Variants in BICD1 observed in about 807,000 individuals in gnomAD.
The protein encoded by BICD1 is BICD cargo adaptor 1, also known as protein bicaudal D homolog 1.
In BICD1, 35 loss-of-function variants were observed where a neutral mutation model predicts 92.5. The ratio of observed to expected loss-of-function variants is 0.38; its 90% confidence interval spans 0.29 to 0.50. The LOEUF (loss-of-function observed/expected upper bound fraction) is 0.50. BICD1 is among the 20% of genes least tolerant of loss of function. BICD1 has a pLI of 0.93. For missense variants in BICD1, 950 were observed against 1,189.8 expected (o/e 0.80, Z 2.97); for synonymous variants, 429 against 465.1 (o/e 0.92, Z 1.00).
chr12:32,269,964 A>G (rs1021255094), intron 2 of BICD1, among the ~76,000 whole-genome samples: 1 of 151,734 alleles, frequency 6.6e-6, no homozygotes, highest in African/African-American at 2.4e-5. Context: ...TCTACTAACA[A>G]TAAAAAAATT....
At chr12:32,325,418 G>A (rs1309756853) in intron 4 of BICD1, among the ~76,000 whole-genome samples, 1 of 152,126 alleles carries the variant, frequency 6.6e-6, no homozygotes, top group African/African-American at 2.4e-5. Context: ...AAGATTGTGC[G>A]TTATGCATTG....
At position 32,224,079 on chromosome 12, in the gene BICD1, T is replaced by G. The variant is rs190765787; in HGVS notation, c.426+7620T>G. Among the ~76,000 whole-genome samples the G allele has an allele frequency of 2.6e-5, 4 of 152,356 alleles. No homozygotes were observed. The East Asian group carries it at 7.7e-4, about 29-fold the overall frequency. On this transcript the variant is annotated intron_variant, in intron 2 of 9. Coordinates refer to ENST00000652176, the MANE Select transcript of BICD1 (RefSeq NM_001714.4). ...TATCCAGTAAAAACCAAAGTGTTTCTTACAGTCTCTGATGTTTCCTTCTGA... is the reference window on the plus strand; with the variant it reads ...TATCCAGTAAAAACCAAAGTGTTTCGTACAGTCTCTGATGTTTCCTTCTGA...
chr12:32,326,371 A>C (rs1210617087), intron 4 of BICD1, among the ~76,000 whole-genome samples: 1 of 152,080 alleles, frequency 6.6e-6, no homozygotes, highest in Non-Finnish European at 1.5e-5. Context: ...ATGGTTTAAA[A>C]TTTTTCCACA....
At chr12:32,143,990 C>T (rs1439729595) in intron 1 of BICD1, among the ~76,000 whole-genome samples, 2 of 152,118 alleles carry the variant, frequency 1.3e-5, no homozygotes, top group African/African-American at 4.8e-5. Flanking sequence ...TCAAAATGAT[C>T]TATAGGAGTT....
chr12:32,140,725 G>T (rs1143901), intron 1 of BICD1, among the ~76,000 whole-genome samples: 44,615 of 151,892 alleles, frequency 0.29, 6,948 homozygotes, highest in African/African-American at 0.4. Flanking sequence ...AAATGTTGGG[G>T]TTTAGTTTCT....
intron 5 of BICD1, among the ~76,000 whole-genome samples, chr12:32,333,993 CAT>C (rs1937991421): frequency 6.6e-6 from 1 of 152,088 alleles, no homozygotes; most frequent in Non-Finnish European, 1.5e-5. Flanking sequence ...TGTATGATAA[CAT>C]GGATTTATAG....
chr12:32,325,465 C>T (rs1948753350), intron 4 of BICD1, among the ~76,000 whole-genome samples: 1 of 152,064 alleles, frequency 6.6e-6, no homozygotes, highest in Non-Finnish European at 1.5e-5. Flanking sequence ...AAATTTGGAC[C>T]ATGGTTTGAG....
intron 2 of BICD1, among the ~76,000 whole-genome samples, chr12:32,281,371 A>G (rs1395459764): frequency 6.6e-6 from 1 of 152,104 alleles, no homozygotes; most frequent in East Asian, 1.9e-4. Flanking sequence ...TCTCCTAAAG[A>G]TTTGTGATGC....
intron 2 of BICD1, among the ~76,000 whole-genome samples, chr12:32,226,069 G>A (rs545633336): frequency 6.6e-6 from 1 of 152,278 alleles, no homozygotes; most frequent in South Asian, 2.1e-4. Flanking sequence ...TTGGCATAGT[G>A]TCTTTTCAAG....
chr12:32,189,980 T>C lies in BICD1; in HGVS notation c.214-26267T>C, dbSNP rs550930081. On this transcript the variant is annotated intron_variant, in intron 1 of 9. Transcript: ENST00000652176. ...TCCCAAAGTGCTGGGATTACAGGCG[T>C]GAGCCACCGCACCTGGCAAGTGTAG... Among the ~76,000 whole-genome samples the C allele has an allele frequency of 2.6e-3, 390 of 152,284 alleles. 5 individuals are homozygous for C. Among genetic ancestry groups the C allele is most frequent in the Admixed American group, 4.8e-3 (73 of 15,300 alleles).
At chr12:32,243,108 T>C (rs1316331350) in intron 2 of BICD1, among the ~76,000 whole-genome samples, 1 of 151,698 alleles carries the variant, frequency 6.6e-6, no homozygotes, top group Non-Finnish European at 1.5e-5. Context: ...GGATTTTCTT[T>C]TTTTTTTTGA....
rs140303025 is a variant in BICD1 at position 32,327,645 on chromosome 12, G to A, written c.1190G>A (p.Arg397Gln). 7.6e-5 allele frequency: 123 copies of A among 1,613,912 alleles called. No individual in the cohort carries two copies. Among genetic ancestry groups the A allele is most frequent in the African/African-American group, 5.3e-5 (4 of 74,910 alleles). The change falls in exon 5 of 10, where the codon CGG becomes CAG. Residue 397 changes from arginine (R) to glutamine (Q), a missense_variant. This residue lies in a region of BICD1 where 246 missense variants were observed against 258.4 expected (regional missense o/e 0.95). Transcript: ENST00000652176. Reference protein sequence around the residue: ...LKAELDGEKGRDSGEEAHDYE... With the variant: ...LKAELDGEKGQDSGEEAHDYE... ...GCTGAGCTGGACGGGGAGAAGGGCC[G>A]GGACTCAGGGGAGGAGGCCCATGAC...
In BICD1 at chr12:32,378,032, G is replaced by T. The variant is rs1940049381; in HGVS notation, c.*405G>T. On this transcript the variant is annotated 3_prime_UTR_variant, in exon 10 of 10. Transcript: ENST00000652176. ...TAGGGAAGTTGATTCCAATATGTTTGTCATTGATATTTATTTTGTACTTTA... is the reference window on the plus strand; with the variant it reads ...TAGGGAAGTTGATTCCAATATGTTTTTCATTGATATTTATTTTGTACTTTA... 1 of 156,136 alleles carries T rather than the reference G, an allele frequency of 6.4e-6. No homozygotes were observed. The highest frequency in any genetic ancestry group is 1.4e-5 in the Non-Finnish European group (1 of 70,484). The allele number at this position is 156,136 out of a possible 1,614,324, so 9.7% of individuals were successfully genotyped here.
At chr12:32,291,630 G>T (rs942939520) in intron 2 of BICD1, among the ~76,000 whole-genome samples, 1 of 151,956 alleles carries the variant, frequency 6.6e-6, no homozygotes, top group Non-Finnish European at 1.5e-5. Flanking sequence ...TTGCCTTCAC[G>T]AGTTTGAGAC....
At chr12:32,139,593 T>C (rs1214117172) in intron 1 of BICD1, among the ~76,000 whole-genome samples, 1 of 152,228 alleles carries the variant, frequency 6.6e-6, no homozygotes, top group African/African-American at 2.4e-5. Context: ...AGACGGAGTC[T>C]CGCTCTGTCG....
intron 2 of BICD1, among the ~76,000 whole-genome samples, chr12:32,258,263 A>G (rs1378106285): frequency 6.6e-6 from 1 of 151,924 alleles, no homozygotes; most frequent in African/African-American, 2.4e-5. Context: ...ATTTTAGTTC[A>G]TTTTGATGCA....
intron 1 of BICD1, among the ~76,000 whole-genome samples, chr12:32,111,457 T>TC (rs1941688458): frequency 6.6e-6 from 1 of 152,234 alleles, no homozygotes; most frequent in Non-Finnish European, 1.5e-5. Context: ...GTTTCTTTTA[T>TC]ATCTTTAAGT....
chr12:32,314,149 C>T (rs1948443640), intron 4 of BICD1, among the ~76,000 whole-genome samples: 1 of 152,178 alleles, frequency 6.6e-6, no homozygotes, highest in African/African-American at 2.4e-5. Flanking sequence ...TATGCAGATA[C>T]CACATTTCAT....
chr12:32,375,491 C>T (rs1457507705), intron 9 of BICD1, among the ~76,000 whole-genome samples: 6 of 152,194 alleles, frequency 3.9e-5, no homozygotes, highest in Admixed American at 6.5e-5. Context: ...GATCGTGCCA[C>T]TGCACTCCTG....
Sources: gnomAD v4.1 joint callset for allele counts (sites outside exome capture counted in the v4.1 genomes callset) on GRCh38, gnomAD v4.1.1 for gene constraint, gnomAD v4.1.1 regional missense constraint, MANE v1.5 for transcripts, NCBI Gene and HGNC (gene_info 2026-07-23, HGNC 2026-07-21) for gene names.